FASLG: variants seen among roughly 807,000 people sequenced by gnomAD.
The protein encoded by FASLG is tumor necrosis factor ligand superfamily member 6.
In FASLG, 9 loss-of-function variants were observed where a neutral mutation model predicts 24.6. The ratio of observed to expected loss-of-function variants is 0.37; its 90% CI spans 0.22 to 0.64. The LOEUF (loss-of-function observed/expected upper bound fraction) is 0.64, where lower values mean the gene tolerates loss of function less well. FASLG is among the 30% of genes least tolerant of loss of function. The pLI is 0.64. For synonymous variants in FASLG, 130 were observed against 135.5 expected, an observed-to-expected ratio of 0.96 and a Z score of 0.28; for missense variants, 306 against 345.3, an observed-to-expected ratio of 0.89 and a Z score of 0.90.
rs969663540 is a variant in FASLG, at chr1:172,664,218, C to G, written c.395-116C>G. The G allele has an allele frequency of 6.4e-5, 67 of 1,045,618 alleles. No homozygotes were observed. The African/African-American group carries it at 8.3e-4, about 13-fold the overall frequency. The allele number at this position is 1,045,618 out of a possible 1,614,324, so 64.8% of individuals were successfully genotyped here. A position where few individuals can be genotyped will look rare whatever the true frequency, so the allele number is the denominator to read the frequency against. On this transcript the variant is annotated intron_variant, in intron 2 of 3. Transcript: ENST00000367721. Reference sequence around the variant, plus strand: ...ACCTACATGATTAGTATATGTTAGACTGTTGCCATTTACGGTTTTAAAATC... The same window carrying G: ...ACCTACATGATTAGTATATGTTAGAGTGTTGCCATTTACGGTTTTAAAATC...
rs749218762 is a variant in FASLG, at chr1:172,665,663, A to G, written c.493A>G (p.Thr165Ala). 4 of 1,614,164 alleles carry G rather than the reference A, an allele frequency of 2.5e-6. No homozygotes were observed. The highest frequency in any genetic ancestry group is 1.3e-5 in the African/African-American group (1 of 75,058). Residue 165 changes from threonine (T) to alanine (A), a missense_variant, in exon 4 of 4, where the codon ACC (threonine) becomes GCC (alanine). By Grantham distance (58) the Thr-to-Ala change is moderately conservative. Transcript: ENST00000367721. The part of the protein sequence containing the change: ...SRSMPLEWED[T>A]YGIVLLSGVK... ...GTCCATGCCTCTGGAATGGGAAGAC[A>G]CCTATGGAATTGTCCTGCTTTCTGG...
At position 172,666,058 on chromosome 1, in the gene FASLG, C is replaced by A. The variant is rs757287992; in HGVS notation, c.*42C>A. The A allele has an allele frequency of 2.5e-6, 4 of 1,610,242 alleles. No homozygotes were observed. In the South Asian group the frequency reaches 3.3e-5, roughly 13 times the overall value. The stretch of plus-strand genomic sequence containing the variant: ...TTCTTTCCATTATGATTCTTTGTTA[C>A]AGGCACCGAGAATGTTGTATTCAGT... On this transcript the variant is annotated 3_prime_UTR_variant, in exon 4 of 4. Transcript: ENST00000367721.
chr1:172,662,423 T>C (rs1659162011), intron 2 of FASLG, among the ~76,000 whole-genome samples: 1 of 152,234 alleles, frequency 6.6e-6, no homozygotes, highest in Non-Finnish European at 1.5e-5. Context: ...TGTTGGATGC[T>C]GATTGAGGAT....
In FASLG at chr1:172,659,229, C is replaced by A; in HGVS notation, c.28C>A (p.Pro10Thr). Residue 10 changes from proline to threonine, a missense_variant, in exon 1 of 4, where the codon CCC (proline) becomes ACC (threonine). Pro to Thr is a conservative substitution (Grantham distance 38, BLOSUM62 -1). Transcript: ENST00000367721. ...GCAGCAGCCCTTCAATTACCCATAT[C>A]CCCAGATCTACTGGGTGGACAGCAG... MQQPFNYPY[P>T]QIYWVDSSAS... The A allele has an allele frequency of 6.2e-7, 1 of 1,614,178 alleles. No individual in the cohort carries two copies.
Position 172,659,178 on chromosome 1 carries a change from G to C in FASLG, c.-24G>C, listed in dbSNP as rs777511786. The C allele has an allele frequency of 5.6e-6, 9 of 1,614,014 alleles. No homozygotes were observed. The South Asian group carries it at 9.9e-5, about 18-fold the overall frequency. On this transcript the variant is annotated 5_prime_UTR_variant, in exon 1 of 4. Transcript: ENST00000367721. ...GAGAAGAAGTAAAACCGTTTGCTGG[G>C]GCTGGCCTGACTCACCAGCTGCCAT...
Position 172,659,151 on chromosome 1 carries a change from C to T in FASLG, c.-51C>T, listed in dbSNP as rs1659078070. 1.2e-6 allele frequency: 2 copies of T among 1,613,036 alleles called. No individual in the cohort carries two copies. The highest frequency in any genetic ancestry group is 1.7e-6 in the Non-Finnish European group (2 of 1,179,630). On this transcript the variant is annotated 5_prime_UTR_variant, in exon 1 of 4. Coordinates refer to ENST00000367721, the MANE Select transcript of FASLG (RefSeq NM_000639.3). The stretch of plus-strand genomic sequence containing the variant: ...CCTTGACACCTCAGCCTCTACAGGA[C>T]TGAGAAGAAGTAAAACCGTTTGCTG...
chr1:172,665,552 T>A (rs1309196723), intron 3 of FASLG, 70 bp from the exon 4 acceptor site: 1 of 1,575,392 alleles, frequency 6.3e-7, no homozygotes, highest in African/African-American at 1.3e-5. Context: ...CCCACAGTTT[T>A]GCCTTAGAAA....
intron 2 of FASLG, among the ~76,000 whole-genome samples, chr1:172,662,446 G>A (rs747574266): frequency 6.6e-6 from 1 of 152,214 alleles, no homozygotes; most frequent in Non-Finnish European, 1.5e-5. Context: ...GCCAGCCCAG[G>A]GGGCCTGTCC....
intron 2 of FASLG, among the ~76,000 whole-genome samples, chr1:172,662,890 C>G (rs1489859108): frequency 6.6e-6 from 1 of 152,094 alleles, no homozygotes. Context: ...ATTAGTTGCT[C>G]GGGTGGTTTG....
chr1:172,662,415 T>C (rs891563361), intron 2 of FASLG, among the ~76,000 whole-genome samples: 1 of 152,218 alleles, frequency 6.6e-6, no homozygotes, highest in Admixed American at 6.5e-5. Context: ...ATGTTGGGTG[T>C]TGGATGCTGA....
At chr1:172,660,420 T>C (rs1199432287) in intron 2 of FASLG, among the ~76,000 whole-genome samples, 1 of 152,170 alleles carries the variant, frequency 6.6e-6, no homozygotes, top group Non-Finnish European at 1.5e-5. Context: ...CCCTGGACCT[T>C]TGCCCCCTGA....
At position 172,665,710 on chromosome 1, in the gene FASLG, C is replaced by G. The variant is rs944346006; in HGVS notation, c.540C>G (p.Gly180=). ...CTGGAGTGAAGTATAAGAAGGGTGGCCTTGTGATCAATGAAACTGGGCTGT... is the reference window on the plus strand; with the variant it reads ...CTGGAGTGAAGTATAAGAAGGGTGGGCTTGTGATCAATGAAACTGGGCTGT... ...LLSGVKYKKG[G]LVINETGLYF... The change falls in exon 4 of 4, where the codon GGC becomes GGG. Residue 180 remains glycine, a synonymous_variant. Transcript: ENST00000367721. The G allele has an allele frequency of 6.2e-7, 1 of 1,614,006 alleles. No homozygotes were observed. The highest frequency in any genetic ancestry group is 8.5e-7 in the Non-Finnish European group (1 of 1,180,018).
chr1:172,666,169 G>A lies in FASLG; in HGVS notation c.*153G>A. The A allele has an allele frequency of 1.3e-6, 1 of 797,074 alleles. No individual in the cohort carries two copies. Among genetic ancestry groups the A allele is most frequent in the South Asian group, 1.6e-5 (1 of 60,928 alleles). 49.4% of individuals were successfully genotyped at this position (797,074 alleles called of 1,614,324 possible). A position where few individuals can be genotyped will look rare whatever the true frequency, so the allele number is the denominator to read the frequency against. ...GACCACAGGGTTCAAAATGTCTGTA[G>A]CTCCTCAACTCACCTAATGTTTATG... On this transcript the variant is annotated 3_prime_UTR_variant, in exon 4 of 4. Transcript: ENST00000367721.
At chr1:172,663,364 G>A (rs560904366) in intron 2 of FASLG, among the ~76,000 whole-genome samples, 1 of 152,272 alleles carries the variant, frequency 6.6e-6, no homozygotes, top group South Asian at 2.1e-4. Flanking sequence ...AGTCAGAAAT[G>A]ACAAGAGAGG....
intron 2 of FASLG, among the ~76,000 whole-genome samples, chr1:172,663,202 G>A (rs1659179681): frequency 6.6e-6 from 1 of 152,160 alleles, no homozygotes; most frequent in African/African-American, 2.4e-5. Context: ...GAGAACTATT[G>A]TCTATCCTTC....
At chr1:172,665,129 G>A (rs748332372) in intron 3 of FASLG, among the ~76,000 whole-genome samples, 2 of 152,138 alleles carry the variant, frequency 1.3e-5, no homozygotes, top group Non-Finnish European at 2.9e-5. Context: ...CAGAGATTTA[G>A]GTTATGTTCA....
At chr1:172,660,988 C>T (rs1255670017) in intron 2 of FASLG, among the ~76,000 whole-genome samples, 1 of 152,182 alleles carries the variant, frequency 6.6e-6, no homozygotes, top group Non-Finnish European at 1.5e-5. Context: ...CCAGCCATTT[C>T]ATTTTTTGGA....
rs772841752 is a variant in FASLG at position 172,666,265 on chromosome 1, T to C, written c.*249T>C. On this transcript the variant is annotated 3_prime_UTR_variant, in exon 4 of 4. Coordinates refer to ENST00000367721, the MANE Select transcript of FASLG (RefSeq NM_000639.3). ...GCTGCCATGTGAAGAGGGAGAAGCATGAAAAAGCAGCTACCAGGTGTTCTA... is the reference window on the plus strand; with the variant it reads ...GCTGCCATGTGAAGAGGGAGAAGCACGAAAAAGCAGCTACCAGGTGTTCTA... 1.7e-5 allele frequency: 9 copies of C among 518,890 alleles called. No individual in the cohort carries two copies. Among genetic ancestry groups the C allele is most frequent in the Non-Finnish European group, 3.1e-5 (9 of 287,874 alleles). The allele number at this position is 518,890 out of a possible 1,614,324, so 32.1% of individuals were successfully genotyped here.
In FASLG at chr1:172,665,615, A is replaced by G; in HGVS notation, c.452-7A>G. 1 of 1,611,686 alleles carries G rather than the reference A, an allele frequency of 6.2e-7. No homozygotes were observed. The highest frequency in any genetic ancestry group is 8.5e-7 in the Non-Finnish European group (1 of 1,180,010). Reference sequence around the variant, plus strand: ...CTTGTTGAAAGCTCCTTTTGGATTTATTTCAGGCAAGTCCAACTCAAGGTC... The same window carrying G: ...CTTGTTGAAAGCTCCTTTTGGATTTGTTTCAGGCAAGTCCAACTCAAGGTC... On this transcript the variant is annotated splice_polypyrimidine_tract_variant and splice_region_variant and intron_variant, in intron 3 of 3. Transcript: ENST00000367721.
Sources: gnomAD v4.1 joint callset for allele counts (sites outside exome capture counted in the v4.1 genomes callset) on GRCh38, gnomAD v4.1.1 for gene constraint, MANE v1.5 for transcripts, NCBI Gene and HGNC (gene_info 2026-07-23, HGNC 2026-07-21) for gene names.